Variants in SATB2 observed in about 807,000 individuals in gnomAD.
The protein encoded by SATB2 is DNA-binding protein SATB2.
A neutral mutation model predicts 73.4 loss-of-function variants in SATB2; 1 was observed. The ratio of observed to expected loss-of-function variants is 0.01; its 90% CI spans 0.00 to 0.06. SATB2 has a LOEUF of 0.06. Among genes scored for constraint, SATB2 ranks in the 10% least tolerant of loss-of-function variants. The pLI is 1.00. For missense variants in SATB2, 459 were observed against 945.8 expected (o/e 0.49, Z 6.75); for synonymous variants, 397 against 367.0 (o/e 1.08, Z -0.93).
At chr2:199,404,922 G>A (rs1190150313) in intron 3 of SATB2, among the ~76,000 whole-genome samples, 1 of 152,152 alleles carries the variant, frequency 6.6e-6, no homozygotes, top group East Asian at 1.9e-4. Flanking sequence ...CATGAAAGCT[G>A]GAACTGTAAA....
At chr2:199,361,277 G>C (rs1195063184) in intron 6 of SATB2, among the ~76,000 whole-genome samples, 1 of 151,992 alleles carries the variant, frequency 6.6e-6, no homozygotes, top group African/African-American at 2.4e-5. Flanking sequence ...AGTCACTTAA[G>C]CTCAAAACCT....
At position 199,464,297 on chromosome 2, in the gene SATB2, G is replaced by T. The variant is rs972813079; in HGVS notation, c.-141+539C>A. Among the ~76,000 whole-genome samples, 1 of 152,142 alleles carries T rather than the reference G, an allele frequency of 6.6e-6. No individual in the cohort carries two copies. Among genetic ancestry groups the T allele is most frequent in the South Asian group, 2.1e-4 (1 of 4,826 alleles). The stretch of plus-strand genomic sequence containing the variant: ...GCCCAGAGGAACAGGGCATCGCCTC[G>T]CGCGGTCCCGGAGCCACATCCGGAC... On this transcript the variant is annotated intron_variant, in intron 1 of 11. Transcript: ENST00000260926. The surrounding 1 kb of genome is among the most constrained non-coding windows in gnomAD (Gnocchi z 6.6).
At chr2:199,418,248 G>A (rs1189700025) in intron 3 of SATB2, among the ~76,000 whole-genome samples, 1 of 152,196 alleles carries the variant, frequency 6.6e-6, no homozygotes, top group Non-Finnish European at 1.5e-5. Flanking sequence ...GAAGTGGGGA[G>A]CACCAAGATG....
intron 6 of SATB2, among the ~76,000 whole-genome samples, chr2:199,351,746 G>T (rs1429244441): frequency 6.6e-6 from 1 of 152,118 alleles, no homozygotes; most frequent in Admixed American, 6.5e-5. Flanking sequence ...TTTGGTTTCA[G>T]TTAAATATTT....
chr2:199,375,711 G>T (rs930439064), intron 5 of SATB2, among the ~76,000 whole-genome samples: 2 of 152,184 alleles, frequency 1.3e-5, no homozygotes, highest in African/African-American at 4.8e-5. Context: ...TTACTCATGA[G>T]TTGAGTCTAT....
In SATB2 at chr2:199,348,690, G is replaced by A; in HGVS notation, c.1173+11C>T. The A allele has an allele frequency of 6.4e-7, 1 of 1,558,884 alleles. No homozygotes were observed. Among genetic ancestry groups the A allele is most frequent in the Non-Finnish European group, 8.7e-7 (1 of 1,149,174 alleles). ...ATTACTGTTAATTACAGTGTTTAAT[G>A]CTAATTGTACCTGTGTGCGGTTGAA... On this transcript the variant is annotated intron_variant, in intron 7 of 10. Transcript: ENST00000417098.
chr2:199,440,136 T>C (rs1691771850), intron 2 of SATB2, among the ~76,000 whole-genome samples: 1 of 152,136 alleles, frequency 6.6e-6, no homozygotes. Flanking sequence ...AAGAAAAGCC[T>C]GAGTGCCTAA....
intron 3 of SATB2, among the ~76,000 whole-genome samples, chr2:199,398,566 T>C (rs1690372905): frequency 6.6e-6 from 1 of 152,200 alleles, no homozygotes; most frequent in Admixed American, 6.5e-5. Context: ...TAGAATCAGA[T>C]GACCAAGTCA....
intron 5 of SATB2, among the ~76,000 whole-genome samples, chr2:199,378,967 TG>T (rs1256876957): frequency 1.3e-5 from 2 of 152,206 alleles, no homozygotes; most frequent in Admixed American, 1.3e-4. Context: ...TCCCTTACCC[TG>T]GAACAAAGCT....
At chr2:199,458,539 T>C (rs114052547), upstream of SATB2, 7,049 of 358,082 alleles carry the variant, frequency 0.02, 514 homozygotes, top group African/African-American at 0.15. Context: ...TCCTCCTCCT[T>C]GTGGCGGGTC....
intron 10 of SATB2, among the ~76,000 whole-genome samples, chr2:199,281,723 G>A (rs1224608327): frequency 6.6e-6 from 1 of 151,968 alleles, no homozygotes; most frequent in African/African-American, 2.4e-5. Flanking sequence ...ATTCAGTAAG[G>A]AGAACTTTAA....
intron 10 of SATB2, among the ~76,000 whole-genome samples, chr2:199,292,265 T>C (rs1692889943): frequency 6.6e-6 from 1 of 152,228 alleles, no homozygotes; most frequent in South Asian, 2.1e-4. Context: ...AAGGTTTTGA[T>C]TGAAAATGCT....
chr2:199,358,441 T>C (rs1462846684), intron 6 of SATB2, among the ~76,000 whole-genome samples: 4 of 152,108 alleles, frequency 2.6e-5, no homozygotes, highest in Admixed American at 6.6e-5. Context: ...AAAAAAATTA[T>C]TGAGCTTGAA....
At chr2:199,415,240 A>G (rs1371686246) in intron 3 of SATB2, among the ~76,000 whole-genome samples, 1 of 152,254 alleles carries the variant, frequency 6.6e-6, no homozygotes, top group African/African-American at 2.4e-5. Context: ...AGTTATCTTC[A>G]GGAAGAGAAT....
At chr2:199,291,589 A>C (rs1012860779) in intron 10 of SATB2, among the ~76,000 whole-genome samples, 1 of 152,154 alleles carries the variant, frequency 6.6e-6, no homozygotes, top group African/African-American at 2.4e-5. Flanking sequence ...CTGAGCAACG[A>C]GTTCTATCAA....
intron 7 of SATB2, among the ~76,000 whole-genome samples, chr2:199,340,986 G>A (rs1320661773): frequency 5.9e-5 from 9 of 152,144 alleles, no homozygotes. Context: ...TATTAAGGAA[G>A]ATTCGCTGTA....
At chr2:199,381,553 C>T in intron 4 of SATB2, 141 bp downstream of exon 4, 1 of 1,213,884 alleles carries the variant, frequency 8.2e-7, no homozygotes, top group Non-Finnish European at 1.2e-6. Context: ...TCCTTCTCTC[C>T]TTCTTTCCCT....
intron 10 of SATB2, among the ~76,000 whole-genome samples, chr2:199,294,645 C>T (rs1026757650): frequency 2.6e-5 from 4 of 152,138 alleles, no homozygotes; most frequent in Non-Finnish European, 5.9e-5. Context: ...ACCACAATTC[C>T]TTGCCAGTCT....
rs147358785 is a variant in SATB2, at chr2:199,404,116, G to A, written c.347-22296C>T. Among the ~76,000 whole-genome samples, 26 of 152,336 alleles carry A rather than the reference G, an allele frequency of 1.7e-4. No individual in the cohort carries two copies. In the East Asian group the frequency reaches 4.8e-3, roughly 28 times the overall value. ...CGGAGGAACTTCACTGGATGAGGAA[G>A]ACTCTCAGATACCCAAGATGACTGC... On this transcript the variant is annotated intron_variant, in intron 3 of 10. Transcript: ENST00000417098.
Sources: allele counts gnomAD v4.1 joint callset (sites outside exome capture counted in the v4.1 genomes callset), GRCh38; gene constraint gnomAD v4.1.1; non-coding constraint Gnocchi (gnomAD v3.1); transcripts MANE v1.5; gene names NCBI Gene and HGNC (gene_info 2026-07-23, HGNC 2026-07-21).